The following CCSER1 variants were observed in gnomAD, a reference collection of about 807,000 sequenced individuals.
The protein encoded by CCSER1 is coiled-coil serine rich protein 1.
In CCSER1, 41 loss-of-function variants were observed where a neutral mutation model predicts 82.0. That is an observed-to-expected ratio of 0.50 (90% CI 0.39 to 0.65). CCSER1 has a LOEUF of 0.65. Ranked by LOEUF, CCSER1 falls within the 30% of genes least tolerant of loss-of-function variation. The pLI is 0.00. For missense variants in CCSER1, 1,119 were observed against 1,064.2 expected (o/e 1.05, Z -0.72); for synonymous variants, 414 against 383.9 (o/e 1.08, Z -0.92).
At chr4:90,848,494 G>A (rs1329632912) in intron 8 of CCSER1, among the ~76,000 whole-genome samples, 2 of 152,112 alleles carry the variant, frequency 1.3e-5, no homozygotes, top group Admixed American at 6.5e-5. Flanking sequence ...AAGTCTGACA[G>A]TGCCTCAAAC....
intron 5 of CCSER1, among the ~76,000 whole-genome samples, chr4:90,567,326 C>T (rs1377027113): frequency 4.5e-5 from 6 of 133,324 alleles, no homozygotes; most frequent in African/African-American, 1.6e-4. Flanking sequence ...TTTTTTTTGA[C>T]GGAGCCCAGG....
intron 8 of CCSER1, among the ~76,000 whole-genome samples, chr4:90,837,938 G>A (rs1427670801): frequency 6.6e-6 from 1 of 152,104 alleles, no homozygotes; most frequent in Non-Finnish European, 1.5e-5. Context: ...GATATTTGGT[G>A]CTTAGTTTTT....
intron 10 of CCSER1, among the ~76,000 whole-genome samples, chr4:91,363,040 G>A (rs1749353113): frequency 6.6e-6 from 1 of 151,358 alleles, no homozygotes; most frequent in African/African-American, 2.4e-5. Flanking sequence ...GGCTCCCAAG[G>A]GATCTTCATT....
intron 9 of CCSER1, among the ~76,000 whole-genome samples, chr4:90,954,967 T>C (rs1733283826): frequency 6.6e-6 from 1 of 152,216 alleles, no homozygotes; most frequent in South Asian, 2.1e-4. Flanking sequence ...TTCCACCAGA[T>C]ACTTTTATGC....
intron 5 of CCSER1, among the ~76,000 whole-genome samples, chr4:90,540,213 A>G (rs1040767799): frequency 2.6e-5 from 4 of 152,194 alleles, no homozygotes; most frequent in African/African-American, 9.6e-5. Flanking sequence ...AACTTAACAT[A>G]GAAAAATAAT....
At chr4:91,367,846 T>C (rs1236508604) in intron 10 of CCSER1, among the ~76,000 whole-genome samples, 4 of 152,192 alleles carry the variant, frequency 2.6e-5, no homozygotes, top group African/African-American at 9.6e-5. Flanking sequence ...ACATAGTTTT[T>C]CTGATTATTT....
chr4:90,828,048 C>T (rs1760694097), intron 8 of CCSER1, among the ~76,000 whole-genome samples: 1 of 152,126 alleles, frequency 6.6e-6, no homozygotes, highest in Admixed American at 6.5e-5. Context: ...TTCTTGTCTT[C>T]CTCTCCTGTG....
intron 9 of CCSER1, among the ~76,000 whole-genome samples, chr4:91,080,928 CAA>C (rs1167729814): frequency 1.3e-5 from 2 of 151,954 alleles, no homozygotes; most frequent in South Asian, 2.1e-4. Context: ...GCCTACCAAC[CAA>C]AAAAAGTCCA....
At chr4:91,087,786 C>A (rs1723531521) in intron 10 of CCSER1, among the ~76,000 whole-genome samples, 1 of 152,106 alleles carries the variant, frequency 6.6e-6, no homozygotes, top group Non-Finnish European at 1.5e-5. Context: ...AAAACAACTA[C>A]TTAACTTCCA....
intron 7 of CCSER1, among the ~76,000 whole-genome samples, chr4:90,809,628 C>T (rs2090382266): frequency 6.6e-6 from 1 of 151,888 alleles, no homozygotes; most frequent in South Asian, 2.1e-4. Flanking sequence ...TAGACTTCAC[C>T]ACTATACAAT....
chr4:90,169,251 G>A (rs1294731300), intron 1 of CCSER1, among the ~76,000 whole-genome samples: 3 of 152,058 alleles, frequency 2.0e-5, no homozygotes, highest in Admixed American at 6.6e-5. Context: ...GTGAATGGGA[G>A]TTCACTCATG....
At chr4:91,161,923 G>T (rs1731447963) in intron 10 of CCSER1, among the ~76,000 whole-genome samples, 1 of 152,078 alleles carries the variant, frequency 6.6e-6, no homozygotes, top group East Asian at 1.9e-4. Context: ...TGAATACCCT[G>T]TATTTTTTTC....
intron 6 of CCSER1, among the ~76,000 whole-genome samples, chr4:90,717,162 G>A (rs1398135350): frequency 6.6e-6 from 1 of 152,104 alleles, no homozygotes; most frequent in African/African-American, 2.4e-5. Context: ...TTTGTGACTG[G>A]CAGGAAATGT....
At chr4:90,954,771 G>A (rs1431303894) in intron 9 of CCSER1, among the ~76,000 whole-genome samples, 2 of 134,998 alleles carry the variant, frequency 1.5e-5, no homozygotes, top group Non-Finnish European at 3.2e-5. Flanking sequence ...ATGTGTTGAG[G>A]GTATGCAGTA....
intron 8 of CCSER1, among the ~76,000 whole-genome samples, chr4:90,896,271 T>A (rs146400508): frequency 1.3e-5 from 2 of 152,032 alleles, no homozygotes; most frequent in Non-Finnish European, 2.9e-5. Flanking sequence ...TTATGACATA[T>A]CTAAGTGGGT....
intron 10 of CCSER1, chr4:91,319,706 G>C (rs781505283): frequency 2.2e-6 from 1 of 455,770 alleles, no homozygotes; most frequent in Non-Finnish European, 4.4e-6. Context: ...TTCCCTGTGT[G>C]TCCCTCAGGT....
At chr4:90,934,663 G>A (rs1730695970) in intron 9 of CCSER1, among the ~76,000 whole-genome samples, 1 of 152,194 alleles carries the variant, frequency 6.6e-6, no homozygotes, top group South Asian at 2.1e-4. Context: ...TGGGCATGGT[G>A]GCTCATGCCT....
chr4:90,509,582 C>A (rs529568585), intron 5 of CCSER1, among the ~76,000 whole-genome samples: 74 of 152,184 alleles, frequency 4.9e-4, no homozygotes, highest in African/African-American at 1.6e-3. Context: ...AAAGTGTAAA[C>A]CCTTGACTTA....
At chr4:91,355,659 C>T (rs941619189) in intron 10 of CCSER1, among the ~76,000 whole-genome samples, 10 of 152,130 alleles carry the variant, frequency 6.6e-5, no homozygotes, top group African/African-American at 2.4e-4. Context: ...AAAATGAGTC[C>T]CACAATGAGT....
Sources: gnomAD v4.1 joint callset for allele counts (sites outside exome capture counted in the v4.1 genomes callset) on GRCh38, gnomAD v4.1.1 for gene constraint, MANE v1.5 for transcripts, NCBI Gene and HGNC (gene_info 2026-07-23, HGNC 2026-07-21) for gene names.